KNG1: variants seen among roughly 807,000 people sequenced by gnomAD.
KNG1 encodes kininogen-1.
In KNG1, 23 loss-of-function variants were observed where a neutral mutation model predicts 47.8. That is an observed-to-expected ratio of 0.48 (90% CI 0.35 to 0.68). The LOEUF is 0.68. Among genes scored for constraint, KNG1 ranks in the 30% least tolerant of loss-of-function variants. The pLI is 0.01. For missense variants in KNG1, 762 were observed against 790.2 expected, an observed-to-expected ratio of 0.96 and a Z score of 0.43; for synonymous variants, 277 against 277.0, an observed-to-expected ratio of 1.00 and a Z score of 0.00.
rs1720880031 is a variant in KNG1, at chr3:186,744,026, G to A, written c.*1695G>A. 3.6e-6 allele frequency: 2 copies of A among 553,962 alleles called. No homozygotes were observed. The highest frequency in any genetic ancestry group is 6.6e-6 in the Non-Finnish European group (2 of 303,746). 34.3% of individuals were successfully genotyped at this position (553,962 alleles called of 1,614,324 possible). A position where few individuals can be genotyped will look rare whatever the true frequency, so the allele number is the denominator to read the frequency against. On this transcript the variant is annotated 3_prime_UTR_variant, in exon 10 of 10. Transcript: ENST00000644859. ...AGCTGGTCAGAGAGTCAGTGCTGTGGCTCTGCCATGGAGGCTCATAACCCA... is the reference window on the plus strand; with the variant it reads ...AGCTGGTCAGAGAGTCAGTGCTGTGACTCTGCCATGGAGGCTCATAACCCA...
chr3:186,724,324 A>T (rs1720288922), intron 3 of KNG1, among the ~76,000 whole-genome samples: 1 of 152,056 alleles, frequency 6.6e-6, no homozygotes, highest in Non-Finnish European at 1.5e-5. Context: ...TGTGCCACTC[A>T]CTCTGCAGCT....
chr3:186,741,417 C>T, intron 9 of KNG1, 105 bp from the exon 10 acceptor site: 1 of 998,664 alleles, frequency 1.0e-6, no homozygotes, highest in South Asian at 1.7e-5. Flanking sequence ...GCAAACACCT[C>T]CCCCATTGTA....
At position 186,720,182 on chromosome 3, in the gene KNG1, G is replaced by T; in HGVS notation, c.273G>T (p.Trp91Cys). ...GDCPVQSGKT[W>C]QDCEYKDAAK... The stretch of plus-strand genomic sequence containing the variant: ...GTCCTGTTCAAAGTGGCAAAACCTG[G>T]CAGGACTGTGAGTACAAGGATGCTG... The change falls in exon 2 of 10, where the codon TGG (tryptophan) becomes TGT (cysteine). Residue 91 changes from tryptophan (W) to cysteine (C), a missense_variant. By Grantham distance (215) the Trp-to-Cys change is radical. Coordinates refer to ENST00000644859, the MANE Select transcript of KNG1 (RefSeq NM_001102416.3). 6.2e-7 allele frequency: 1 copy of T among 1,613,364 alleles called. No individual in the cohort carries two copies. The highest frequency in any genetic ancestry group is 1.7e-5 in the Admixed American group (1 of 60,020).
chr3:186,741,474 T>C, intron 9 of KNG1, 48 bp from the exon 10 acceptor site: 4 of 1,551,556 alleles, frequency 2.6e-6, no homozygotes, highest in Non-Finnish European at 3.5e-6. Context: ...CTATCATCAA[T>C]AGCATGATTT....
In KNG1 at chr3:186,742,411, C is replaced by G. The variant is rs1359184687; in HGVS notation, c.*80C>G. On this transcript the variant is annotated 3_prime_UTR_variant, in exon 10 of 10. Coordinates refer to ENST00000644859, the MANE Select transcript of KNG1 (RefSeq NM_001102416.3). ...TCTCCATTGTCCAGATGAAAATATCCTGATATAATGCACCAAAAACCATGC... is the reference window on the plus strand; with the variant it reads ...TCTCCATTGTCCAGATGAAAATATCGTGATATAATGCACCAAAAACCATGC... 4 of 1,591,014 alleles carry G rather than the reference C, an allele frequency of 2.5e-6. No homozygotes were observed. The highest frequency in any genetic ancestry group is 2.2e-5 in the South Asian group (2 of 89,016).
intron 7 of KNG1, chr3:186,736,128 CAG>C (rs1409790296): frequency 6.6e-6 from 1 of 152,280 alleles, no homozygotes; most frequent in Admixed American, 6.5e-5. Context: ...TTAAGGATGT[CAG>C]GGGGACACAA....
intron 5 of KNG1, among the ~76,000 whole-genome samples, chr3:186,730,223 G>A (rs183679257): frequency 6.6e-6 from 1 of 150,544 alleles, no homozygotes; most frequent in Admixed American, 6.6e-5. Flanking sequence ...CAAGTATATT[G>A]TTTTTGTTTG....
At chr3:186,717,926 CCCACCACCCACCACCACCCACCACCA>C in intron 1 of KNG1, 189 bp downstream of exon 1, 3 of 509,088 alleles carry the variant, frequency 5.9e-6, no homozygotes, top group Non-Finnish European at 1.1e-5. Context: ...TCCACCACCA[CCCACCACCCACCACCACCCACCACCA>C]TCACCCACCA....
chr3:186,741,651 T>A lies in KNG1; in HGVS notation c.1255T>A (p.Ser419Thr). ...ACCTGCACAAGATGAAGAGCGGGAT[T>A]CAGGAAAAGAACAAGGGCATACTCG... is the stretch of plus-strand genomic sequence containing the variant. ...MAPAQDEERD[S>T]GKEQGHTRRH... The change falls in exon 10 of 10, where the codon TCA becomes ACA. Residue 419 changes from serine (S) to threonine (T), a missense_variant. Ser to Thr is a moderately conservative substitution (Grantham distance 58, BLOSUM62 1). Transcript: ENST00000644859. 1 of 1,614,112 alleles carries A rather than the reference T, an allele frequency of 6.2e-7. No individual in the cohort carries two copies. The highest frequency in any genetic ancestry group is 1.3e-5 in the African/African-American group (1 of 75,020).
Position 186,733,933 on chromosome 3 carries a change from A to G in KNG1, c.930+1259A>G, listed in dbSNP as rs533360467. ...CAATGAGCCGAGACCGTGTCATTGCACTCCAGCCTGGGCAACAAGAGCAAA... is the reference window on the plus strand; with the variant it reads ...CAATGAGCCGAGACCGTGTCATTGCGCTCCAGCCTGGGCAACAAGAGCAAA... On this transcript the variant is annotated intron_variant, in intron 7 of 9. Coordinates refer to ENST00000644859, the MANE Select transcript of KNG1 (RefSeq NM_001102416.3). Among the ~76,000 whole-genome samples the G allele has an allele frequency of 1.7e-3, 261 of 152,182 alleles. 1 individual carries two copies. Among genetic ancestry groups the G allele is most frequent in the African/African-American group, 5.9e-3 (244 of 41,522 alleles).
rs576008287 is a variant in KNG1, at chr3:186,728,545, T to C, written c.672+1201T>C. The C allele has an allele frequency of 1.3e-4, 20 of 152,310 alleles. No individual in the cohort carries two copies. In the East Asian group the frequency reaches 3.9e-3, roughly 29 times the overall value. The allele number at this position is 152,310 out of a possible 1,614,324, so 9.4% of individuals were successfully genotyped here. A position where few individuals can be genotyped will look rare whatever the true frequency, so the allele number is the denominator to read the frequency against. On this transcript the variant is annotated intron_variant, in intron 5 of 9. Coordinates refer to ENST00000644859, the MANE Select transcript of KNG1 (RefSeq NM_001102416.3). Reference sequence around the variant, plus strand: ...ACAAAAAAAGTGGGATACAAAACTATACATACGGATTTATTTAAATATGTA... The same window carrying C: ...ACAAAAAAAGTGGGATACAAAACTACACATACGGATTTATTTAAATATGTA...
At position 186,722,438 on chromosome 3, in the gene KNG1, C is replaced by T. The variant is rs1297059579; in HGVS notation, c.308C>T (p.Ala103Val). 2 of 1,611,116 alleles carry T rather than the reference C, an allele frequency of 1.2e-6. No individual in the cohort carries two copies. The highest frequency in any genetic ancestry group is 8.5e-7 in the Non-Finnish European group (1 of 1,177,540). ...ATGATCTCTTTCTTTTCTTTTTAGG[C>T]CACTGGAGAATGCACGGCAACCGTG... ...DCEYKDAAKA[A>V]TGECTATVGK... is the part of the protein sequence containing the mutation. Residue 103 changes from alanine (A) to valine (V), a missense_variant and splice_region_variant, in exon 3 of 10, where the codon GCC (alanine) becomes GTC (valine). Coordinates refer to ENST00000644859, the MANE Select transcript of KNG1 (RefSeq NM_001102416.3).
rs1207833043 is a variant in KNG1 at position 186,743,150 on chromosome 3, A to T, written c.*819A>T. 6.1e-6 allele frequency: 1 copy of T among 164,810 alleles called. No individual in the cohort carries two copies. The highest frequency in any genetic ancestry group is 1.3e-5 in the Non-Finnish European group (1 of 78,364). The allele number at this position is 164,810 out of a possible 1,614,324, so 10.2% of individuals were successfully genotyped here. A position where few individuals can be genotyped will look rare whatever the true frequency, so the allele number is the denominator to read the frequency against. ...AGAAGTATTCTGTTTATTTTTGCTG[A>T]GCCTAGATTGAGTAATTCTTAGTTT... On this transcript the variant is annotated 3_prime_UTR_variant, in exon 10 of 10. Transcript: ENST00000644859.
At chr3:186,720,325 A>ATTTCT in intron 2 of KNG1, 110 bp downstream of exon 2, 2 of 741,558 alleles carry the variant, frequency 2.7e-6, no homozygotes, top group Non-Finnish European at 4.9e-6. Flanking sequence ...TGAGAAATGC[A>ATTTCT]AATAAACATT....
intron 4 of KNG1, 101 bp from the exon 5 acceptor site, chr3:186,727,136 T>C (rs1349460535): frequency 8.3e-6 from 7 of 840,996 alleles, no homozygotes; most frequent in African/African-American, 1.7e-5. Context: ...TGGGCACTTA[T>C]TATATTGCCA....
At chr3:186,740,571 G>T (rs1560070278) in intron 9 of KNG1, among the ~76,000 whole-genome samples, 1 of 152,184 alleles carries the variant, frequency 6.6e-6, no homozygotes, top group Admixed American at 6.5e-5. Flanking sequence ...CAAAAGTGTA[G>T]GTAGAATTAA....
At chr3:186,732,910 T>C (rs1227841279) in intron 7 of KNG1, among the ~76,000 whole-genome samples, 1 of 152,130 alleles carries the variant, frequency 6.6e-6, no homozygotes, top group African/African-American at 2.4e-5. Context: ...ATCAAATAAG[T>C]TAATATATGT....
chr3:186,742,884 TC>T lies in KNG1; in HGVS notation c.*554del. 5 of 967,368 alleles carry T rather than the reference TC, an allele frequency of 5.2e-6. No individual in the cohort carries two copies. The highest frequency in any genetic ancestry group is 6.1e-6 in the Non-Finnish European group (5 of 814,412). The allele number at this position is 967,368 out of a possible 1,614,324, so 59.9% of individuals were successfully genotyped here. A position where few individuals can be genotyped will look rare whatever the true frequency, so the allele number is the denominator to read the frequency against. ...CTGGGCATCAGAGCAAGATTCTGTC[TC>T]AGAAAAAAAGAAAAAAAAAGAAATA... is the stretch of plus-strand genomic sequence containing the variant. On this transcript the variant is annotated 3_prime_UTR_variant, in exon 10 of 10. Transcript: ENST00000644859.
At position 186,720,454 on chromosome 3, in the gene KNG1, C is replaced by A. The variant is rs1184039154; in HGVS notation, c.306+239C>A. 4.4e-4 allele frequency: 236 copies of A among 540,458 alleles called. 1 individual carries two copies. The highest frequency in any genetic ancestry group is 3.0e-3 in the African/African-American group (159 of 52,562). 33.5% of individuals were successfully genotyped at this position (540,458 alleles called of 1,614,324 possible). A position where few individuals can be genotyped will look rare whatever the true frequency, so the allele number is the denominator to read the frequency against. Reference sequence around the variant, plus strand: ...TTCCATGAGAAGGGGGCTCTAGTGTCCAGCCAGAACATGTGGCTCAGACTC... The same window carrying A: ...TTCCATGAGAAGGGGGCTCTAGTGTACAGCCAGAACATGTGGCTCAGACTC... On this transcript the variant is annotated intron_variant, in intron 2 of 9. Transcript: ENST00000644859.
Sources: allele counts gnomAD v4.1 joint callset (sites outside exome capture counted in the v4.1 genomes callset), GRCh38; gene constraint gnomAD v4.1.1; transcripts MANE v1.5; gene names NCBI Gene and HGNC (gene_info 2026-07-23, HGNC 2026-07-21).